Variants in GRIA3 observed in about 807,000 individuals in gnomAD.
The protein encoded by GRIA3 is glutamate ionotropic receptor AMPA type subunit 3, also known as glutamate receptor 3.
GRIA3 carries 3 observed loss-of-function variants against 63.0 expected under a neutral mutation model. That is an observed-to-expected ratio of 0.05 (90% confidence interval 0.02 to 0.12). The LOEUF is 0.12. Among genes scored for constraint, GRIA3 ranks in the 10% least tolerant of loss-of-function variants. The pLI is 1.00. For missense variants in GRIA3, 347 were observed against 700.9 expected, an observed-to-expected ratio of 0.50 and a Z score of 5.70; for synonymous variants, 274 against 257.9, an observed-to-expected ratio of 1.06 and a Z score of -0.60.
At chrX:123,268,737 T>C (rs773781070) in intron 3 of GRIA3, among the ~76,000 whole-genome samples, 21 of 111,431 alleles carry the variant, frequency 1.9e-4, no homozygotes, top group Non-Finnish European at 3.0e-4. Context: ...AGTCTCCTAA[T>C]CTGTAATTCT....
chrX:123,295,435 G>A (rs2044679814), intron 3 of GRIA3, among the ~76,000 whole-genome samples: 1 of 111,449 alleles, frequency 9.0e-6, no homozygotes, highest in African/African-American at 3.3e-5. Flanking sequence ...CCAGCAGAGT[G>A]CCATTGGATT....
At chrX:123,433,929 G>C (rs774953299) in intron 12 of GRIA3, among the ~76,000 whole-genome samples, 1 of 111,776 alleles carries the variant, frequency 8.9e-6, no homozygotes, top group Non-Finnish European at 1.9e-5. Flanking sequence ...CACAGGCAGC[G>C]AAAGGAGGGG....
At chrX:123,429,695 T>G (rs1464196324) in intron 12 of GRIA3, among the ~76,000 whole-genome samples, 1 of 111,228 alleles carries the variant, frequency 9.0e-6, no homozygotes, top group African/African-American at 3.3e-5. Context: ...CCAATAGGCA[T>G]GAAGTTTCTA....
chrX:123,361,263 A>G (rs1033156105), intron 5 of GRIA3: 5 of 111,608 alleles, frequency 4.5e-5, no homozygotes, highest in Non-Finnish European at 9.4e-5. Flanking sequence ...TCTGTTCTCT[A>G]CTTTCCCTTT....
At chrX:123,373,780 A>G (rs1216028183) in intron 5 of GRIA3, among the ~76,000 whole-genome samples, 1 of 111,554 alleles carries the variant, frequency 9.0e-6, no homozygotes, top group Admixed American at 9.5e-5. Flanking sequence ...AGTAGATTGC[A>G]AAAATTTTCT....
At chrX:123,455,810 G>A (rs1307240445) in intron 12 of GRIA3, among the ~76,000 whole-genome samples, 1 of 103,927 alleles carries the variant, frequency 9.6e-6, no homozygotes, top group East Asian at 3.0e-4. Flanking sequence ...AAGAGGCTGG[G>A]GTTATCACGG....
intron 3 of GRIA3, among the ~76,000 whole-genome samples, chrX:123,313,096 G>T (rs747280280): frequency 1.2e-4 from 13 of 111,159 alleles, no homozygotes; most frequent in African/African-American, 2.9e-4. Context: ...CCTATAACCC[G>T]CCTCCATAAT....
intron 4 of GRIA3, among the ~76,000 whole-genome samples, chrX:123,353,875 A>G (rs2045115228): frequency 9.0e-6 from 1 of 111,513 alleles, no homozygotes; most frequent in Non-Finnish European, 1.9e-5. Context: ...ACTCAATAAA[A>G]ATCCTCAGTT....
In GRIA3 at chrX:123,250,876, G is replaced by C. The variant is rs1268950614; in HGVS notation, c.269-2427G>C. Among the ~76,000 whole-genome samples, 5 of 112,025 alleles carry C rather than the reference G, an allele frequency of 4.5e-5. No individual in the cohort carries two copies. The South Asian group carries it at 1.5e-3, about 33-fold the overall frequency. ...AAATTCAAATTTAATTGAAAATCTT[G>C]TTTTTATTTGCTAAAGCTCGAAACC... is the stretch of plus-strand genomic sequence containing the variant. On this transcript the variant is annotated intron_variant, in intron 2 of 15. Coordinates refer to ENST00000620443, the MANE Select transcript of GRIA3 (RefSeq NM_007325.5).
At chrX:123,463,611 G>GAAAGAAAGAAA (rs2045809361) in intron 12 of GRIA3, among the ~76,000 whole-genome samples, 16 of 12,135 alleles carry the variant, frequency 1.3e-3, no homozygotes, top group Non-Finnish European at 1.7e-3. Context: ...AGGGAGGGAG[G>GAAAGAAAGAAA]GAAAGAAAGA....
chrX:123,441,841 C>G (rs1388178423), intron 12 of GRIA3, among the ~76,000 whole-genome samples: 1 of 111,042 alleles, frequency 9.0e-6, no homozygotes, highest in Non-Finnish European at 1.9e-5. Flanking sequence ...CACACACACA[C>G]ACACAATTAA....
chrX:123,417,603 G>A lies in GRIA3; in HGVS notation c.1702G>A (p.Val568Ile), dbSNP rs779163903. 1 of 1,206,902 alleles carries A rather than the reference G, an allele frequency of 8.3e-7. No individual in the cohort carries two copies. The highest frequency in any genetic ancestry group is 1.1e-6 in the Non-Finnish European group (1 of 892,205). Residue 568 changes from valine (V) to isoleucine (I), a missense_variant, in exon 11 of 16, where the codon GTA becomes ATA. Transcript: ENST00000620443. ...CIVFAYIGVS[V>I]VLFLVSRFSP... ...TGTCTTTGCTTACATTGGAGTCAGC[G>A]TAGTTCTTTTCCTAGTCAGCAGGTT...
chrX:123,338,017 C>A (rs891659499), intron 4 of GRIA3, among the ~76,000 whole-genome samples: 6 of 111,850 alleles, frequency 5.4e-5, no homozygotes, highest in East Asian at 2.8e-4. Flanking sequence ...AAACTCTGAC[C>A]GAAGCCCCTT....
intron 2 of GRIA3, among the ~76,000 whole-genome samples, chrX:123,222,018 G>A (rs866050840): frequency 2.7e-4 from 30 of 111,379 alleles, no homozygotes; most frequent in African/African-American, 8.2e-4. Flanking sequence ...ACATCTGTAA[G>A]CATTCCTACA....
chrX:123,304,956 A>G (rs1051910405), intron 3 of GRIA3, among the ~76,000 whole-genome samples: 8 of 112,005 alleles, frequency 7.1e-5, no homozygotes, highest in African/African-American at 2.3e-4. Context: ...GCCAACTCTC[A>G]AAATGTTCAA....
At chrX:123,325,968 A>G (rs1475860829) in intron 3 of GRIA3, 58 bp from the exon 4 acceptor site, 2 of 999,165 alleles carry the variant, frequency 2.0e-6, no homozygotes, top group East Asian at 3.1e-5. Context: ...ATTCAGTAGA[A>G]TCTTTAATAC....
At chrX:123,382,055 A>C (rs2045328041) in intron 5 of GRIA3, among the ~76,000 whole-genome samples, 1 of 112,451 alleles carries the variant, frequency 8.9e-6, no homozygotes, top group Non-Finnish European at 1.9e-5. Context: ...CAAGTCATAG[A>C]ATCTGAAGAA....
In GRIA3 at chrX:123,403,494, G is replaced by A. The variant is rs746222344; in HGVS notation, c.1268G>A (p.Arg423Gln). The A allele has an allele frequency of 1.3e-5, 15 of 1,162,478 alleles. No homozygotes were observed. The highest frequency in any genetic ancestry group is 3.0e-5 in the East Asian group (1 of 33,575). ...AATGACAGTGCATCCTCAGAGAATC[G>A]GACCATAGTAGTGACTACCATTCTG... ...ISNDSASSEN[R>Q]TIVVTTILES... is the part of the protein sequence containing the mutation. Residue 423 changes from arginine to glutamine, a missense_variant, in exon 9 of 16, where the codon CGG (arginine) becomes CAG (glutamine). By Grantham distance (43) the Arg-to-Gln change is conservative (BLOSUM62 1). This residue lies in a region of GRIA3 where 65 missense variants were observed against 145.8 expected (regional missense o/e 0.45). Transcript: ENST00000620443.
intron 10 of GRIA3, among the ~76,000 whole-genome samples, chrX:123,414,729 T>C (rs2045526989): frequency 9.0e-6 from 1 of 110,692 alleles, no homozygotes; most frequent in Non-Finnish European, 1.9e-5. Flanking sequence ...GCTTCATCCA[T>C]GTCCCTGCAA....
Sources: allele counts gnomAD v4.1 joint callset (sites outside exome capture counted in the v4.1 genomes callset), GRCh38; gene constraint gnomAD v4.1.1; regional missense constraint gnomAD v4.1.1; transcripts MANE v1.5; gene names NCBI Gene and HGNC (gene_info 2026-07-23, HGNC 2026-07-21).